Variants in RGS6 observed in about 807,000 individuals in gnomAD.
The protein encoded by RGS6 is regulator of G protein signaling 6, also known as regulator of G-protein signaling 6.
RGS6 carries 30 observed loss-of-function variants against 78.5 expected under a neutral mutation model. That is an observed-to-expected ratio of 0.38 (90% confidence interval 0.29 to 0.52). RGS6 has a LOEUF of 0.52. Among genes scored for constraint, RGS6 ranks in the 20% least tolerant of loss-of-function variants. The pLI is 0.85. For synonymous variants in RGS6, 206 were observed against 206.0 expected, an observed-to-expected ratio of 1.00 and a Z score of 0.00; for missense variants, 495 against 609.7, an observed-to-expected ratio of 0.81 and a Z score of 1.98.
At chr14:72,416,823 G>A (rs754678396) in intron 3 of RGS6, among the ~76,000 whole-genome samples, 8 of 152,228 alleles carry the variant, frequency 5.3e-5, no homozygotes, top group Non-Finnish European at 1.0e-4. Context: ...TCTGATGCCA[G>A]TTATGTGATT....
At chr14:72,084,297 G>A (rs1465284489) in intron 2 of RGS6, among the ~76,000 whole-genome samples, 2 of 152,170 alleles carry the variant, frequency 1.3e-5, no homozygotes, top group Non-Finnish European at 2.9e-5. Context: ...CTGACAGGAG[G>A]TGAGGCTCAG....
chr14:72,266,287 T>C (rs1455654076), intron 2 of RGS6, among the ~76,000 whole-genome samples: 3 of 152,140 alleles, frequency 2.0e-5, no homozygotes, highest in African/African-American at 7.2e-5. Context: ...GGTCTCAAAG[T>C]AGTCAGACCT....
At chr14:72,391,760 C>T (rs755310460) in intron 3 of RGS6, among the ~76,000 whole-genome samples, 4 of 152,184 alleles carry the variant, frequency 2.6e-5, no homozygotes, top group Admixed American at 6.5e-5. Flanking sequence ...GCCTCCACCC[C>T]CTGACAGGCC....
At position 71,964,780 on chromosome 14, in the gene RGS6, A is replaced by T; in HGVS notation, c.-12A>T. On this transcript the variant is annotated 5_prime_UTR_variant, in exon 2 of 18. Coordinates refer to ENST00000553525, the MANE Select transcript of RGS6 (RefSeq NM_001204424.2). ...TTCATTTATTTTTGCAGTGTGAGTG[A>T]AGACACTCAGGATGGCTCAAGGATC... 6.2e-7 allele frequency: 1 copy of T among 1,604,916 alleles called. No individual in the cohort carries two copies. The highest frequency in any genetic ancestry group is 8.5e-7 in the Non-Finnish European group (1 of 1,173,798).
At chr14:71,881,699 C>T in the RGS6 span, among the ~76,000 whole-genome samples, 1 of 152,148 alleles carries the variant, frequency 6.6e-6, no homozygotes, top group African/African-American at 2.4e-5. Flanking sequence ...TTATAAATTA[C>T]CCAGTCTCAG....
chr14:72,308,834 C>T (rs538222749), intron 2 of RGS6, among the ~76,000 whole-genome samples: 82 of 152,238 alleles, frequency 5.4e-4, no homozygotes, highest in African/African-American at 1.8e-3. Flanking sequence ...CAGTTGGAGC[C>T]AGAAAGCTTG....
At chr14:72,602,233 C>T in the RGS6 span, among the ~76,000 whole-genome samples, 5 of 152,310 alleles carry the variant, frequency 3.3e-5, no homozygotes, top group East Asian at 5.8e-4. Flanking sequence ...AGGAAACTTA[C>T]GTCTTAAGGG....
intron 2 of RGS6, among the ~76,000 whole-genome samples, chr14:72,074,828 T>A (rs1217618521): frequency 1.3e-5 from 2 of 152,192 alleles, no homozygotes; most frequent in African/African-American, 4.8e-5. Flanking sequence ...GGAGATCATA[T>A]TCTGTTTTTT....
At chr14:72,524,981 C>G (rs957589333) in intron 15 of RGS6, among the ~76,000 whole-genome samples, 2 of 152,218 alleles carry the variant, frequency 1.3e-5, no homozygotes, top group African/African-American at 4.8e-5. Context: ...ATGCCCCACC[C>G]TGCCCTGTAC....
Position 71,974,197 on chromosome 14 carries a change from A to G in RGS6, c.84+9322A>G, listed in dbSNP as rs569868946. The stretch of plus-strand genomic sequence containing the variant: ...ATTCCCTATTGGCAGGATTTTGGAG[A>G]AAAAAAAATAAAAGCGAATAGATAC... On this transcript the variant is annotated intron_variant, in intron 2 of 17. Transcript: ENST00000553525. Among the ~76,000 whole-genome samples, 30 of 151,602 alleles carry G rather than the reference A, an allele frequency of 2.0e-4. No individual in the cohort carries two copies. The South Asian group carries it at 5.2e-3, about 26-fold the overall frequency.
intron 3 of RGS6, among the ~76,000 whole-genome samples, chr14:72,392,649 T>C (rs1413737271): frequency 2.6e-5 from 4 of 152,140 alleles, no homozygotes; most frequent in African/African-American, 4.8e-5. Context: ...GAATCTCACA[T>C]GTAAGCATCT....
At chr14:72,293,475 T>TC (rs936844473) in intron 2 of RGS6, among the ~76,000 whole-genome samples, 1 of 151,902 alleles carries the variant, frequency 6.6e-6, no homozygotes, top group African/African-American at 2.4e-5. Flanking sequence ...CTCCCTCTCT[T>TC]CCCCCCTCCC....
chr14:72,301,401 A>G (rs1785124203), intron 2 of RGS6, among the ~76,000 whole-genome samples: 1 of 152,044 alleles, frequency 6.6e-6, no homozygotes, highest in African/African-American at 2.4e-5. Flanking sequence ...TGAAGTATGT[A>G]TTTATCGTTA....
At position 72,489,164 on chromosome 14, in the gene RGS6, A is replaced by G. The variant is rs4346150; in HGVS notation, c.855-5988A>G. On this transcript the variant is annotated intron_variant, in intron 12 of 17. Coordinates refer to ENST00000553525, the MANE Select transcript of RGS6 (RefSeq NM_001204424.2). The stretch of plus-strand genomic sequence containing the variant: ...CTGGGAGGACAAAGGGGGCCCCCCC[A>G]CCGGCTGTTTGCTCATCTCAGATTT... 6.1e-4 allele frequency among the ~76,000 whole-genome samples: 90 copies of G among 146,508 alleles called. 4 individuals carry two copies. In the East Asian group the frequency reaches 9.7e-3, roughly 16 times the overall value.
intron 2 of RGS6, among the ~76,000 whole-genome samples, chr14:71,993,124 A>T (rs2095037822): frequency 6.6e-6 from 1 of 152,146 alleles, no homozygotes; most frequent in Non-Finnish European, 1.5e-5. Context: ...CATTAATTAG[A>T]CTCCTGGAAT....
At chr14:72,423,097 G>T (rs556484343) in intron 3 of RGS6, among the ~76,000 whole-genome samples, 21 of 152,248 alleles carry the variant, frequency 1.4e-4, no homozygotes, top group Non-Finnish European at 2.8e-4. Context: ...GTTGAGTCAC[G>T]TGGGAGGTAG....
At chr14:72,021,498 C>T (rs112821646) in intron 2 of RGS6, among the ~76,000 whole-genome samples, 1,737 of 104,806 alleles carry the variant, frequency 0.017, 37 homozygotes, top group African/African-American at 0.061. Context: ...GATGGCGTTT[C>T]GCTCTTGTCA....
At chr14:71,902,400 T>A in the RGS6 span, among the ~76,000 whole-genome samples, 1 of 152,164 alleles carries the variant, frequency 6.6e-6, no homozygotes, top group Admixed American at 6.5e-5. Context: ...TTTTTGAGCC[T>A]CGGGTACCAT....
intron 2 of RGS6, among the ~76,000 whole-genome samples, chr14:72,204,594 G>T (rs2042304334): frequency 6.6e-6 from 1 of 152,222 alleles, no homozygotes; most frequent in Admixed American, 6.5e-5. Flanking sequence ...AGGCAAGGCA[G>T]AGTCTGTCTG....
Sources: allele counts gnomAD v4.1 joint callset (sites outside exome capture counted in the v4.1 genomes callset), GRCh38; gene constraint gnomAD v4.1.1; transcripts MANE v1.5; gene names NCBI Gene and HGNC (gene_info 2026-07-23, HGNC 2026-07-21).